BTBD2: variants seen among roughly 807,000 people sequenced by gnomAD.
BTBD2 encodes the protein BTB/POZ domain-containing protein 2.
Under a neutral mutation model 44.0 loss-of-function variants are expected in BTBD2, and 15 were observed. The observed-to-expected ratio is 0.34, with a 90% CI of 0.23 to 0.53. The LOEUF (loss-of-function observed/expected upper bound fraction) is 0.53, where lower values mean the gene tolerates loss of function less well. BTBD2 is among the 20% of genes least tolerant of loss of function. BTBD2 has a pLI of 0.95. For synonymous variants in BTBD2, 443 were observed against 335.9 expected, an observed-to-expected ratio of 1.32 and a Z score of -3.49; for missense variants, 657 against 746.4, an observed-to-expected ratio of 0.88 and a Z score of 1.39.
intron 1 of BTBD2, among the ~76,000 whole-genome samples, chr19:2,011,807 G>A (rs1310621206): frequency 5.3e-5 from 8 of 151,600 alleles, no homozygotes; most frequent in African/African-American, 1.9e-4. Context: ...GGCCTTCATC[G>A]TGGCCACCTC....
At chr19:1,999,416 C>T (rs999202946) in intron 1 of BTBD2, among the ~76,000 whole-genome samples, 3 of 152,322 alleles carry the variant, frequency 2.0e-5, no homozygotes, top group South Asian at 4.1e-4. Context: ...CCCGTCATCC[C>T]AGCATGTGGG....
At chr19:1,986,698 G>A (rs763017674) in intron 8 of BTBD2, 49 bp from the exon 9 acceptor site, 2 of 1,602,098 alleles carry the variant, frequency 1.2e-6, no homozygotes, top group South Asian at 1.1e-5. Context: ...AGGCTGGGAT[G>A]CCCCAGGTGT....
At chr19:1,993,252 C>T (rs1034096226) in intron 2 of BTBD2, 76 bp from the exon 3 acceptor site, 1 of 1,504,876 alleles carries the variant, frequency 6.6e-7, no homozygotes, top group Non-Finnish European at 8.9e-7. Flanking sequence ...GGGGACCACT[C>T]AGACCGTTAG....
Position 1,990,194 on chromosome 19 carries a change from C to T in BTBD2, c.798G>A (p.Leu266=). ...EGFTDIDLDT[L]VAVLERDTLG... is the part of the protein sequence containing the mutation. ...GTGTGTCGCGCTCCAGGACAGCCAC[C>T]AGCGTGTCTGTGGGGTGGAGGAAGG... Residue 266 remains leucine, a synonymous_variant, in exon 5 of 9, where the codon CTG becomes CTA. Transcript: ENST00000255608. 5.0e-6 allele frequency: 8 copies of T among 1,597,636 alleles called. No homozygotes were observed. The highest frequency in any genetic ancestry group is 1.1e-5 in the South Asian group (1 of 89,008).
chr19:1,988,093 G>A (rs10405740), intron 5 of BTBD2: 26,312 of 184,632 alleles, frequency 0.14, 2,908 homozygotes, highest in African/African-American at 0.33. Flanking sequence ...TGCTAGGCCT[G>A]TACCCCCCAG....
intron 1 of BTBD2, among the ~76,000 whole-genome samples, chr19:2,009,659 G>A (rs183406631): frequency 1.2e-3 from 176 of 151,186 alleles, no homozygotes; most frequent in Non-Finnish European, 2.1e-3. Context: ...CATCACCCTG[G>A]GCAACATGAC....
At chr19:1,987,789 G>A (rs889000103) in intron 5 of BTBD2, 97 bp from the exon 6 acceptor site, 28 of 1,257,496 alleles carry the variant, frequency 2.2e-5, no homozygotes, top group Middle Eastern at 2.6e-4. Context: ...TGTCTGCGTC[G>A]GACTTTCAAG....
intron 2 of BTBD2, among the ~76,000 whole-genome samples, chr19:1,993,380 G>A (rs552301561): frequency 1.3e-5 from 2 of 152,296 alleles, no homozygotes; most frequent in East Asian, 3.9e-4. Flanking sequence ...GACTTGGCAA[G>A]GTGGTCACCC....
At chr19:1,996,093 CA>C (rs35871204) in intron 2 of BTBD2, among the ~76,000 whole-genome samples, 89,060 of 152,006 alleles carry the variant, frequency 0.59, 28,990 homozygotes, top group African/African-American at 0.87. Flanking sequence ...GGCACCCTTG[CA>C]AAAAATTATT....
intron 1 of BTBD2, among the ~76,000 whole-genome samples, chr19:2,005,957 G>A (rs1331990049): frequency 6.6e-6 from 1 of 151,832 alleles, no homozygotes; most frequent in African/African-American, 2.4e-5. Context: ...GCATAGTGGT[G>A]CATGTCTATA....
intron 2 of BTBD2, among the ~76,000 whole-genome samples, chr19:1,995,473 G>A (rs934978847): frequency 8.6e-5 from 12 of 139,720 alleles, no homozygotes; most frequent in African/African-American, 3.2e-4. Flanking sequence ...TAGTAGAGAC[G>A]GGGTTTCACC....
chr19:1,999,501 A>G (rs2145636086), intron 1 of BTBD2, among the ~76,000 whole-genome samples: 2 of 152,258 alleles, frequency 1.3e-5, no homozygotes, highest in East Asian at 3.9e-4. Flanking sequence ...CCCCATCTCT[A>G]CAAAAACATT....
intron 1 of BTBD2, among the ~76,000 whole-genome samples, chr19:2,006,988 GCTGGGATTA>G (rs2016403296): frequency 6.6e-6 from 1 of 152,186 alleles, no homozygotes; most frequent in South Asian, 2.1e-4. Flanking sequence ...CTCCCAAGCA[GCTGGGATTA>G]CAGGCGCTCG....
intron 1 of BTBD2, among the ~76,000 whole-genome samples, chr19:2,001,469 G>A (rs2016329623): frequency 6.6e-6 from 1 of 152,186 alleles, no homozygotes; most frequent in Non-Finnish European, 1.5e-5. Flanking sequence ...TGCACCCTGG[G>A]CTACAAGCCT....
intron 1 of BTBD2, among the ~76,000 whole-genome samples, chr19:2,006,414 G>A (rs927747888): frequency 1.4e-4 from 22 of 152,016 alleles, no homozygotes; most frequent in Non-Finnish European, 2.9e-4. Flanking sequence ...GGCTGAGGCA[G>A]GAGAATCACT....
intron 1 of BTBD2, among the ~76,000 whole-genome samples, chr19:2,009,684 T>C (rs1189253990): frequency 6.8e-6 from 1 of 146,782 alleles, no homozygotes; most frequent in Non-Finnish European, 1.5e-5. Context: ...ATACTGTCTC[T>C]ACTAAAAATA....
In BTBD2 at chr19:1,987,387, G is replaced by A. The variant is rs8111128; in HGVS notation, c.1181+113C>T. On this transcript the variant is annotated intron_variant, in intron 6 of 8. Coordinates refer to ENST00000255608, the MANE Select transcript of BTBD2 (RefSeq NM_017797.4). ...CACCCCCATGCCCGGCGGCCCCCCCGCCGTCTTCATCATCCCTGAGTTCTC... is the reference window on the plus strand; with the variant it reads ...CACCCCCATGCCCGGCGGCCCCCCCACCGTCTTCATCATCCCTGAGTTCTC... 0.19 allele frequency: 188,736 copies of A among 970,000 alleles called. 17,838 individuals carry two copies. Among genetic ancestry groups the A allele is most frequent in the African/African-American group, 0.44 (20,373 of 46,430 alleles). 60.1% of individuals were successfully genotyped at this position (970,000 alleles called of 1,614,324 possible).
At chr19:2,000,266 C>A (rs1376983505) in intron 1 of BTBD2, among the ~76,000 whole-genome samples, 1 of 149,606 alleles carries the variant, frequency 6.7e-6, no homozygotes, top group Non-Finnish European at 1.5e-5. Flanking sequence ...AGGGCCCAGG[C>A]CTCAGGGCCC....
intron 4 of BTBD2, chr19:1,990,455 C>T (rs1321463504): frequency 1.6e-6 from 1 of 611,274 alleles, no homozygotes; most frequent in Non-Finnish European, 2.9e-6. Flanking sequence ...AGCTGTTCAA[C>T]AGCAAAGTCA....
Sources: allele counts gnomAD v4.1 joint callset (sites outside exome capture counted in the v4.1 genomes callset), GRCh38; gene constraint gnomAD v4.1.1; transcripts MANE v1.5; gene names NCBI Gene and HGNC (gene_info 2026-07-23, HGNC 2026-07-21).